Variants in HS2ST1 observed in about 807,000 individuals in gnomAD.
HS2ST1 encodes heparan sulfate 2-O-sulfotransferase 1.
HS2ST1 carries 18 observed loss-of-function variants against 42.9 expected under a neutral mutation model. The observed-to-expected ratio is 0.42, with a 90% CI of 0.29 to 0.62. HS2ST1 has a LOEUF of 0.62. Ranked by LOEUF, HS2ST1 falls within the 20% of genes least tolerant of loss-of-function variation. HS2ST1 has a pLI of 0.21. For synonymous variants in HS2ST1, 146 were observed against 152.9 expected (o/e 0.95, Z 0.33); for missense variants, 334 against 433.8 (o/e 0.77, Z 2.04).
intron 1 of HS2ST1, among the ~76,000 whole-genome samples, chr1:86,933,158 A>C (rs1199693161): frequency 1.3e-5 from 2 of 152,148 alleles, no homozygotes; most frequent in Non-Finnish European, 2.9e-5. Flanking sequence ...ACTCAGGTGT[A>C]GATTTTTTGG....
At chr1:86,919,914 A>G (rs1240558797) in intron 1 of HS2ST1, among the ~76,000 whole-genome samples, 1 of 152,218 alleles carries the variant, frequency 6.6e-6, no homozygotes. Flanking sequence ...GAGAAATGGA[A>G]AAGGACAGGG....
chr1:87,090,784 G>T (rs1362720125), intron 3 of HS2ST1, among the ~76,000 whole-genome samples: 2 of 151,808 alleles, frequency 1.3e-5, no homozygotes, highest in African/African-American at 4.8e-5. Context: ...ATCTTCCATG[G>T]TATTCCCTTT....
At chr1:86,935,451 TCTC>T (rs1310635758) in intron 1 of HS2ST1, among the ~76,000 whole-genome samples, 1 of 148,210 alleles carries the variant, frequency 6.7e-6, no homozygotes, top group Non-Finnish European at 1.5e-5. Context: ...ATTTTCTTTT[TCTC>T]CTTTTTTTTT....
chr1:86,942,762 A>T (rs1294134390), intron 1 of HS2ST1, among the ~76,000 whole-genome samples: 2 of 152,280 alleles, frequency 1.3e-5, no homozygotes. Flanking sequence ...TTCTTCATTG[A>T]TAAGGTAAAG....
At chr1:86,977,868 A>G (rs1471408365) in intron 1 of HS2ST1, among the ~76,000 whole-genome samples, 9 of 152,228 alleles carry the variant, frequency 5.9e-5, no homozygotes, top group Admixed American at 5.2e-4. Context: ...ACTAAAGGAA[A>G]GTTTGGGTCA....
intron 1 of HS2ST1, among the ~76,000 whole-genome samples, chr1:86,973,624 T>C (rs181710584): frequency 6.6e-6 from 1 of 152,262 alleles, no homozygotes; most frequent in East Asian, 1.9e-4. Context: ...GAGTGGGAAG[T>C]TGACCCAAAG....
At chr1:86,920,780 G>A (rs566057027) in intron 1 of HS2ST1, among the ~76,000 whole-genome samples, 2 of 152,090 alleles carry the variant, frequency 1.3e-5, no homozygotes, top group African/African-American at 4.8e-5. Context: ...CTGTACTTAC[G>A]TATTCTGCCT....
intron 1 of HS2ST1, among the ~76,000 whole-genome samples, chr1:86,943,715 T>C (rs1647230304): frequency 7.3e-6 from 1 of 137,760 alleles, no homozygotes; most frequent in South Asian, 2.3e-4. Context: ...AGACCCTATC[T>C]CAGAAAAAAA....
At chr1:87,012,117 T>A (rs1649612744) in intron 1 of HS2ST1, among the ~76,000 whole-genome samples, 1 of 152,238 alleles carries the variant, frequency 6.6e-6, no homozygotes, top group African/African-American at 2.4e-5. Flanking sequence ...TTCTACTTTT[T>A]TTTCCTTCAT....
chr1:86,974,115 A>G (rs1648318871), intron 1 of HS2ST1, among the ~76,000 whole-genome samples: 1 of 152,046 alleles, frequency 6.6e-6, no homozygotes. Context: ...TTTTGGGGTG[A>G]TAGTAGAGTC....
chr1:87,003,190 T>C (rs1167199768), intron 1 of HS2ST1, among the ~76,000 whole-genome samples: 3 of 152,364 alleles, frequency 2.0e-5, no homozygotes, highest in Admixed American at 2.0e-4. Flanking sequence ...CTTGACTGGC[T>C]GTGATTAAAG....
intron 1 of HS2ST1, among the ~76,000 whole-genome samples, chr1:86,922,623 TTTG>T (rs1258736376): frequency 1.3e-5 from 2 of 152,156 alleles, no homozygotes; most frequent in Admixed American, 6.5e-5. Flanking sequence ...AGCTGACATT[TTTG>T]TTGTTTCAGT....
chr1:87,102,546 C>T (rs1652238447), intron 5 of HS2ST1, among the ~76,000 whole-genome samples: 1 of 152,200 alleles, frequency 6.6e-6, no homozygotes, highest in Non-Finnish European at 1.5e-5. Context: ...AATATCCAAA[C>T]CATATCACTA....
intron 5 of HS2ST1, among the ~76,000 whole-genome samples, chr1:87,098,840 G>A (rs1402991653): frequency 1.3e-5 from 2 of 152,160 alleles, no homozygotes; most frequent in Admixed American, 6.5e-5. Context: ...GGAGTGCAGG[G>A]GCACAATCTT....
intron 1 of HS2ST1, among the ~76,000 whole-genome samples, chr1:87,038,508 G>A (rs1197469212): frequency 6.6e-6 from 1 of 152,052 alleles, no homozygotes; most frequent in East Asian, 1.9e-4. Context: ...TAAAACTAAA[G>A]CTAAGCATGT....
In HS2ST1 at chr1:86,990,148, C is replaced by T. The variant is rs1648900592; in HGVS notation, c.124+74988C>T. 2.0e-5 allele frequency among the ~76,000 whole-genome samples: 3 copies of T among 152,160 alleles called. No homozygotes were observed. The South Asian group carries it at 6.2e-4, about 32-fold the overall frequency. On this transcript the variant is annotated intron_variant, in intron 1 of 6. Coordinates refer to ENST00000370550, the MANE Select transcript of HS2ST1 (RefSeq NM_012262.4). The stretch of plus-strand genomic sequence containing the variant: ...GATCCTTCAGGAATTGCCACACTGT[C>T]TTCCACAATGGTTGAACTAATTTAC...
Position 87,072,992 on chromosome 1 carries a change from C to T in HS2ST1, c.183C>T (p.Gly61=), listed in dbSNP as rs370053454. 36 of 1,613,920 alleles carry T rather than the reference C, an allele frequency of 2.2e-5. No homozygotes were observed. The highest frequency in any genetic ancestry group is 2.2e-5 in the East Asian group (1 of 44,850). Residue 61 remains glycine, a synonymous_variant, in exon 2 of 7, where the codon GGC becomes GGT. Coordinates refer to ENST00000370550, the MANE Select transcript of HS2ST1 (RefSeq NM_012262.4). ...TTGAGCAGCGACATACAATGGATGG[C>T]CCTCGGCAAGATGCCACTTTAGATG... ...REIEQRHTMD[G]PRQDATLDEE... is the part of the protein sequence containing the mutation.
At chr1:86,951,904 C>G (rs1435844897) in intron 1 of HS2ST1, among the ~76,000 whole-genome samples, 1 of 152,164 alleles carries the variant, frequency 6.6e-6, no homozygotes, top group African/African-American at 2.4e-5. Flanking sequence ...TTTGCTCGTC[C>G]CTAAGAAGCA....
Position 87,067,344 on chromosome 1 carries a change from A to G in HS2ST1, c.125-5590A>G, listed in dbSNP as rs190574058. ...CCAGTGATGATGAGCTTTTTTTCAT[A>G]TATTTGTTGGCTGCATAAATGTCTT... On this transcript the variant is annotated intron_variant, in intron 1 of 6. Transcript: ENST00000370550. 3.8e-3 allele frequency among the ~76,000 whole-genome samples: 574 copies of G among 152,068 alleles called. 7 individuals carry two copies. The highest frequency in any genetic ancestry group is 0.02 in the Middle Eastern group (6 of 294).
Sources: allele counts gnomAD v4.1 joint callset (sites outside exome capture counted in the v4.1 genomes callset), GRCh38; gene constraint gnomAD v4.1.1; transcripts MANE v1.5; gene names NCBI Gene and HGNC (gene_info 2026-07-23, HGNC 2026-07-21).